The following TRABD2A variants were observed in gnomAD, a reference collection of about 807,000 sequenced individuals.
TRABD2A encodes TraB domain containing 2A.
Under a neutral mutation model 45.6 loss-of-function variants are expected in TRABD2A, and 43 were observed. That is an observed-to-expected ratio of 0.94 (90% CI 0.74 to 1.22). The LOEUF (loss-of-function observed/expected upper bound fraction) is 1.22. Among genes scored for constraint, TRABD2A ranks in the 50% most tolerant of loss-of-function variants. TRABD2A has a pLI of 0.00. For synonymous variants in TRABD2A, 269 were observed against 265.0 expected (o/e 1.02, Z -0.15); for missense variants, 642 against 652.4 (o/e 0.98, Z 0.17).
chr2:84,827,520 A>T (rs1233850439), intron 5 of TRABD2A, among the ~76,000 whole-genome samples: 1 of 152,224 alleles, frequency 6.6e-6, no homozygotes, highest in African/African-American at 2.4e-5. Context: ...ATGAAGCTGT[A>T]TAAACCCTAG....
At chr2:84,840,646 T>A (rs1681678401) in intron 3 of TRABD2A, among the ~76,000 whole-genome samples, 1 of 152,206 alleles carries the variant, frequency 6.6e-6, no homozygotes. Context: ...TCCGCCCACA[T>A]TAACTTTTTT....
intron 5 of TRABD2A, among the ~76,000 whole-genome samples, chr2:84,827,538 G>A (rs1334358049): frequency 1.1e-4 from 17 of 152,200 alleles, no homozygotes. Context: ...TAGCAGGGCT[G>A]ACCAGAACCT....
chr2:84,853,254 CTAA>C (rs961555892), intron 2 of TRABD2A, among the ~76,000 whole-genome samples: 2 of 151,690 alleles, frequency 1.3e-5, no homozygotes, highest in African/African-American at 4.8e-5. Context: ...TCTCACGCTG[CTAA>C]TAAAGACATA....
chr2:84,851,464 A>C (rs1682093762), intron 2 of TRABD2A, among the ~76,000 whole-genome samples: 1 of 152,200 alleles, frequency 6.6e-6, no homozygotes, highest in Admixed American at 6.5e-5. Context: ...TCTCTTACCC[A>C]ATGCTTAATC....
At chr2:84,861,216 T>C (rs78839646) in intron 2 of TRABD2A, among the ~76,000 whole-genome samples, 28,305 of 152,096 alleles carry the variant, frequency 0.19, 3,353 homozygotes, top group African/African-American at 0.34. Context: ...GGGAGTGTTT[T>C]GGGATGATTC....
chr2:84,836,337 GAC>G (rs1681508796), intron 4 of TRABD2A: 1 of 152,190 alleles, frequency 6.6e-6, no homozygotes, highest in Admixed American at 6.5e-5. Context: ...AATGTTTGTT[GAC>G]AGTCTTTTAT....
chr2:84,859,969 T>A (rs1260148867), intron 2 of TRABD2A, among the ~76,000 whole-genome samples: 1 of 152,056 alleles, frequency 6.6e-6, no homozygotes, highest in Non-Finnish European at 1.5e-5. Flanking sequence ...TCTCACTATG[T>A]TGTCCAGGCT....
chr2:84,866,864 C>T (rs766479832), intron 2 of TRABD2A, among the ~76,000 whole-genome samples: 11 of 152,106 alleles, frequency 7.2e-5, no homozygotes, highest in African/African-American at 1.2e-4. Context: ...GCAGGAAGAT[C>T]GCTTGAGGCC....
intron 1 of TRABD2A, among the ~76,000 whole-genome samples, chr2:84,876,234 A>G (rs1468427299): frequency 2.0e-5 from 3 of 152,168 alleles, no homozygotes; most frequent in Admixed American, 1.3e-4. Flanking sequence ...AGATGAGGGC[A>G]TCATCACCAT....
At position 84,839,185 on chromosome 2, in the gene TRABD2A, A is replaced by G; in HGVS notation, c.955T>C (p.Phe319Leu). The change falls in exon 4 of 7, where the codon TTC (phenylalanine) becomes CTC (leucine). Residue 319 changes from phenylalanine (F) to leucine (L), a missense_variant. Coordinates refer to ENST00000409520, the MANE Select transcript of TRABD2A (RefSeq NM_001277053.2). ...GKRVKALLEE[F>L]PDKGFFFAFG... ...GCAAAGAAGAAGCCTTTGTCAGGGAACTCCTCCAAAAGGGCCTTCACCCGC... is the reference window on the plus strand; with the variant it reads ...GCAAAGAAGAAGCCTTTGTCAGGGAGCTCCTCCAAAAGGGCCTTCACCCGC... The G allele has an allele frequency of 1.2e-6, 2 of 1,613,510 alleles. No individual in the cohort carries two copies. The highest frequency in any genetic ancestry group is 1.7e-6 in the Non-Finnish European group (2 of 1,179,790).
chr2:84,842,110 A>G (rs947868871), intron 2 of TRABD2A, 103 bp from the exon 3 acceptor site: 3 of 1,264,856 alleles, frequency 2.4e-6, no homozygotes, highest in Non-Finnish European at 3.2e-6. Context: ...TGTGCTCGTT[A>G]TGTAAGGACG....
intron 2 of TRABD2A, among the ~76,000 whole-genome samples, chr2:84,866,117 G>A (rs1009963248): frequency 6.6e-6 from 1 of 152,204 alleles, no homozygotes; most frequent in South Asian, 2.1e-4. Context: ...CACAAACCAA[G>A]AGCCACAAGG....
intron 4 of TRABD2A, 61 bp downstream of exon 4, chr2:84,839,088 A>G: frequency 1.3e-6 from 2 of 1,592,122 alleles, no homozygotes; most frequent in Non-Finnish European, 1.7e-6. Context: ...TCACCTCAAC[A>G]TTCCCTTCTT....
chr2:84,824,963 C>A (rs1681109073), intron 5 of TRABD2A, among the ~76,000 whole-genome samples: 1 of 152,274 alleles, frequency 6.6e-6, no homozygotes, highest in Admixed American at 6.5e-5. Context: ...CTATAGTCAC[C>A]AAATACTTCT....
chr2:84,863,237 A>AT (rs1559095739), intron 2 of TRABD2A, among the ~76,000 whole-genome samples: 1 of 129,544 alleles, frequency 7.7e-6, no homozygotes, highest in Non-Finnish European at 1.6e-5. Context: ...CTTCATGTGA[A>AT]TCTTTTTTTT....
rs61744733 is a variant in TRABD2A at position 84,823,996 on chromosome 2, G to A, written c.1291C>T (p.Arg431Ter). The A allele has an allele frequency of 1.1e-4, 177 of 1,613,834 alleles. No homozygotes were observed. The African/African-American group carries it at 2.0e-3, about 18-fold the overall frequency. The change falls in exon 6 of 7, where the codon CGA becomes TGA. Residue 431 changes from arginine to a stop codon, truncating the protein, a stop_gained. Coordinates refer to ENST00000409520, the MANE Select transcript of TRABD2A (RefSeq NM_001277053.2). LOFTEE classifies it low-confidence loss of function (END_TRUNC). Reference protein sequence around the residue: ...KKRRRSQRRPRLRQFSDLWVR... With the variant: ...KKRRRSQRRP Reference sequence around the variant, plus strand: ...CACAGATCGCTGAATTGCCGGAGTCGCGGCCTCCGCTGTGACCGCCTCCGC... The same window carrying A: ...CACAGATCGCTGAATTGCCGGAGTCACGGCCTCCGCTGTGACCGCCTCCGC...
chr2:84,852,057 C>T (rs887155688), intron 2 of TRABD2A, among the ~76,000 whole-genome samples: 1 of 152,172 alleles, frequency 6.6e-6, no homozygotes, highest in African/African-American at 2.4e-5. Flanking sequence ...TCAGGAGGCT[C>T]CACGTGGTCC....
chr2:84,852,328 G>A (rs990378854), intron 2 of TRABD2A, among the ~76,000 whole-genome samples: 1 of 152,194 alleles, frequency 6.6e-6, no homozygotes, highest in Non-Finnish European at 1.5e-5. Context: ...GACAGGAGTA[G>A]CCACCAAGGG....
intron 1 of TRABD2A, among the ~76,000 whole-genome samples, chr2:84,877,993 T>C (rs148074971): frequency 9.5e-4 from 144 of 152,208 alleles, no homozygotes; most frequent in African/African-American, 3.4e-3. Context: ...CTTATGAAGA[T>C]GACATAGGGG....
Sources: allele counts gnomAD v4.1 joint callset (sites outside exome capture counted in the v4.1 genomes callset), GRCh38; gene constraint gnomAD v4.1.1; transcripts MANE v1.5; gene names NCBI Gene and HGNC (gene_info 2026-07-23, HGNC 2026-07-21).